CYP20A1: variants seen among roughly 807,000 people sequenced by gnomAD.
The protein encoded by CYP20A1 is cytochrome P450 family 20 subfamily A member 1.
In CYP20A1, 61 loss-of-function variants were observed where a neutral mutation model predicts 61.4. That is an observed-to-expected ratio of 0.99 (90% CI 0.81 to 1.23). The LOEUF is 1.23. Ranked by LOEUF, CYP20A1 falls within the 50% of genes most tolerant of loss-of-function variation. The pLI is 0.00. For missense variants in CYP20A1, 530 were observed against 542.4 expected (o/e 0.98, Z 0.23); for synonymous variants, 193 against 188.2 (o/e 1.03, Z -0.21).
At position 203,276,713 on chromosome 2, in the gene CYP20A1, G is replaced by C. The variant is rs894538517; in HGVS notation, c.680-1860G>C. On this transcript the variant is annotated intron_variant, in intron 6 of 12. Coordinates refer to ENST00000356079, the MANE Select transcript of CYP20A1 (RefSeq NM_177538.3). ...ATTTGGGGGAAAGCTCAAGAGTTCA[G>C]TGTTTGGTATGCTTCAGACAACCAA... is the stretch of plus-strand genomic sequence containing the variant. 2.0e-5 allele frequency among the ~76,000 whole-genome samples: 3 copies of C among 152,150 alleles called. No individual in the cohort carries two copies. The South Asian group carries it at 6.2e-4, about 32-fold the overall frequency.
chr2:203,247,299 G>GTA (rs929897762), intron 3 of CYP20A1, among the ~76,000 whole-genome samples: 4 of 151,908 alleles, frequency 2.6e-5, no homozygotes, highest in East Asian at 1.9e-4. Context: ...AATAAAAACT[G>GTA]TATATATATA....
At chr2:203,258,003 G>GTGCAGTGGCACCATTATAGCCCACT in intron 4 of CYP20A1, among the ~76,000 whole-genome samples, 1 of 151,450 alleles carries the variant, frequency 6.6e-6, no homozygotes, top group African/African-American at 2.4e-5. Context: ...CTGGGCTGAA[G>GTGCAGTGGCACCATTATAGCCCACT]GGATCCTCCT....
intron 8 of CYP20A1, among the ~76,000 whole-genome samples, chr2:203,284,851 TC>T (rs952448428): frequency 1.3e-5 from 2 of 149,422 alleles, no homozygotes; most frequent in African/African-American, 4.9e-5. Context: ...GCTCAAGTGA[TC>T]ATCCCATCTC....
chr2:203,248,410 T>G (rs1451548225), intron 3 of CYP20A1, among the ~76,000 whole-genome samples: 9 of 152,052 alleles, frequency 5.9e-5, no homozygotes, highest in Admixed American at 5.9e-4. Flanking sequence ...GATGTGCGCC[T>G]GTAATCCCAG....
rs577759568 is a variant in CYP20A1 at position 203,294,785 on chromosome 2, C to T, written c.1149-1689C>T. Among the ~76,000 whole-genome samples the T allele has an allele frequency of 2.7e-5, 4 of 150,904 alleles. No homozygotes were observed. In the South Asian group the frequency reaches 8.4e-4, roughly 32 times the overall value. ...AAGTAGCTGAGACTACAGGCATGCA[C>T]CACCACGCCCAGCTAATTTTTATGT... On this transcript the variant is annotated intron_variant, in intron 11 of 12. Coordinates refer to ENST00000356079, the MANE Select transcript of CYP20A1 (RefSeq NM_177538.3).
At chr2:203,291,245 C>T (rs1409209044) in intron 10 of CYP20A1, among the ~76,000 whole-genome samples, 1 of 152,020 alleles carries the variant, frequency 6.6e-6, no homozygotes, top group African/African-American at 2.4e-5. Context: ...CTATGTTGTC[C>T]AGGCTGATAT....
intron 4 of CYP20A1, among the ~76,000 whole-genome samples, chr2:203,257,924 C>T (rs1208169347): frequency 2.0e-5 from 1 of 50,724 alleles, no homozygotes; most frequent in Non-Finnish European, 7.4e-5. Context: ...TTTTTTCAGT[C>T]AAGGTCTCGC....
At chr2:203,289,674 G>T in intron 9 of CYP20A1, 91 bp from the exon 10 acceptor site, 1 of 549,522 alleles carries the variant, frequency 1.8e-6, no homozygotes, top group South Asian at 3.1e-5. Context: ...GGGAATGTTT[G>T]AGCAGTTGTT....
chr2:203,259,906 A>C (rs888732822), intron 4 of CYP20A1: 6 of 149,048 alleles, frequency 4.0e-5, no homozygotes, highest in African/African-American at 1.5e-4. Flanking sequence ...CAGCCTCCCA[A>C]AGTGCTGGGA....
rs1050230928 is a variant in CYP20A1 at position 203,303,589 on chromosome 2, G to C, written c.*6681G>C. 6.6e-6 allele frequency among the ~76,000 whole-genome samples: 1 copy of C among 151,918 alleles called. No individual in the cohort carries two copies. Among genetic ancestry groups the C allele is most frequent in the Non-Finnish European group, 1.5e-5 (1 of 68,012 alleles). On this transcript the variant is annotated 3_prime_UTR_variant, in exon 13 of 13. Transcript: ENST00000356079. ...AGGTGCCTCTAATCCCAGCTACTCG[G>C]GAGGCTGAGGCAGGAGAATCGCTTG...
chr2:203,283,966 A>G (rs946673971), intron 8 of CYP20A1, among the ~76,000 whole-genome samples: 24 of 152,232 alleles, frequency 1.6e-4, no homozygotes, highest in African/African-American at 5.8e-4. Flanking sequence ...ATTGTGTGAC[A>G]TACATATTGT....
Position 203,292,305 on chromosome 2 carries a change from A to G in CYP20A1, c.1127A>G (p.Asn376Ser), listed in dbSNP as rs746756439. 1 of 1,612,610 alleles carries G rather than the reference A, an allele frequency of 6.2e-7. No homozygotes were observed. The highest frequency in any genetic ancestry group is 1.3e-5 in the African/African-American group (1 of 74,812). ...CTTGGTGTGGTACTTCAGGATCCTAATACTTGGCCATCTCCACACAAGTAT... is the reference window on the plus strand; with the variant it reads ...CTTGGTGTGGTACTTCAGGATCCTAGTACTTGGCCATCTCCACACAAGTAT... ...YALGVVLQDP[N>S]TWPSPHKFDP... is the part of the protein sequence containing the mutation. Residue 376 changes from asparagine to serine, a missense_variant, in exon 11 of 13, where the codon AAT becomes AGT. Transcript: ENST00000356079.
chr2:203,253,788 GTCTTTT>G lies in CYP20A1; in HGVS notation c.432+1693_432+1698del, dbSNP rs561454658. ...GAAAGGAGTAACAGTAAAAAAATTT[GTCTTTT>G]TCTTTTTCTTTTTTTTTTTCCTTTA... On this transcript the variant is annotated intron_variant, in intron 4 of 12. Coordinates refer to ENST00000356079, the MANE Select transcript of CYP20A1 (RefSeq NM_177538.3). Among the ~76,000 whole-genome samples, 49 of 151,902 alleles carry G rather than the reference GTCTTTT, an allele frequency of 3.2e-4. No individual in the cohort carries two copies. In the East Asian group the frequency reaches 6.2e-3, roughly 19 times the overall value.
chr2:203,286,828 A>T (rs993756109), intron 9 of CYP20A1, among the ~76,000 whole-genome samples: 3 of 151,548 alleles, frequency 2.0e-5, no homozygotes, highest in Non-Finnish European at 2.9e-5. Context: ...CCTTAATTTA[A>T]TTTTTTTTTA....
chr2:203,287,972 G>A (rs1323275761), intron 9 of CYP20A1, among the ~76,000 whole-genome samples: 1 of 142,858 alleles, frequency 7.0e-6, no homozygotes, highest in Non-Finnish European at 1.5e-5. Flanking sequence ...TTTTTTTATC[G>A]TCGGTGGTGG....
intron 6 of CYP20A1, among the ~76,000 whole-genome samples, chr2:203,277,941 TATCAG>T (rs1468782428): frequency 6.6e-6 from 1 of 152,182 alleles, no homozygotes; most frequent in African/African-American, 2.4e-5. Flanking sequence ...AGGTGGATGA[TATCAG>T]AGAAGAAAGG....
intron 12 of CYP20A1, 91 bp from the exon 13 acceptor site, chr2:203,296,667 T>C: frequency 7.0e-7 from 1 of 1,432,086 alleles, no homozygotes; most frequent in Non-Finnish European, 9.5e-7. Context: ...ATTATTATTG[T>C]ACTTTAAGTT....
chr2:203,293,671 C>T (rs1422765832), intron 11 of CYP20A1, among the ~76,000 whole-genome samples: 1 of 151,928 alleles, frequency 6.6e-6, no homozygotes, highest in African/African-American at 2.4e-5. Flanking sequence ...GCAGTGTACA[C>T]TGTACCCAAT....
chr2:203,290,707 A>G (rs1280022113), intron 10 of CYP20A1, among the ~76,000 whole-genome samples: 4 of 152,072 alleles, frequency 2.6e-5, no homozygotes, highest in Admixed American at 1.3e-4. Context: ...CAGTTGTGCA[A>G]TCTTGGCTCA....
Sources: gnomAD v4.1 joint callset for allele counts (sites outside exome capture counted in the v4.1 genomes callset) on GRCh38, gnomAD v4.1.1 for gene constraint, MANE v1.5 for transcripts, NCBI Gene and HGNC (gene_info 2026-07-23, HGNC 2026-07-21) for gene names.